KMT2A: variants seen among roughly 807,000 people sequenced by gnomAD.
KMT2A encodes lysine methyltransferase 2A.
Under a neutral mutation model 345.3 loss-of-function variants are expected in KMT2A, and 16 were observed. The observed-to-expected ratio is 0.05, with a 90% CI of 0.03 to 0.07. The LOEUF is 0.07. Ranked by LOEUF, KMT2A falls within the 10% of genes least tolerant of loss-of-function variation. The probability of loss-of-function intolerance (pLI) is 1.00; values close to 1 mark genes in which losing one functional copy is unlikely to be tolerated. For missense variants in KMT2A, 3,272 were observed against 4,841.6 expected, an observed-to-expected ratio of 0.68 and a Z score of 9.62; for synonymous variants, 1,599 against 1,778.6, an observed-to-expected ratio of 0.90 and a Z score of 2.54.
chr11:118,466,789 ACT>A (rs1177722251), intron 1 of KMT2A, among the ~76,000 whole-genome samples: 7 of 152,064 alleles, frequency 4.6e-5, no homozygotes, highest in African/African-American at 1.7e-4. Flanking sequence ...ACAGAGCAAG[ACT>A]CTGCCTCAAA....
rs2134392148 is a variant in KMT2A at position 118,503,354 on chromosome 11, G to A, written c.7462G>A (p.Asp2488Asn). 6.2e-7 allele frequency: 1 copy of A among 1,614,070 alleles called. No individual in the cohort carries two copies. Among genetic ancestry groups the A allele is most frequent in the East Asian group, 2.2e-5 (1 of 44,886 alleles). The change falls in exon 27 of 36, where the codon GAT becomes AAT. Residue 2488 changes from aspartate (D) to asparagine (N), a missense_variant. Transcript: ENST00000534358. This position sits in a 1 kb window ranked among gnomAD's most constrained non-coding sequence, Gnocchi z 5.3. ...GQRPCNNVSSDKIGDKGLSMP... is the reference protein window; with the variant it reads ...GQRPCNNVSSNKIGDKGLSMP... The stretch of plus-strand genomic sequence containing the variant: ...ACGACCATGTAACAATGTTTCTTCT[G>A]ATAAGATTGGTGATAAAGGCCTTTC...
chr11:118,484,034 T>TA lies in KMT2A; in HGVS notation c.4087-149_4087-148insA. On this transcript the variant is annotated intron_variant, in intron 8 of 35. Transcript: ENST00000534358. The surrounding 1 kb of genome is among the most constrained non-coding windows in gnomAD (Gnocchi z 4.1). ...GCAACAAAGCAAGACCCAGTCTCTT[T>TA]TAAAAAAAAATTCAAAGATTATTTG... 1.1e-4 allele frequency: 94 copies of TA among 825,322 alleles called. No individual in the cohort carries two copies. The highest frequency in any genetic ancestry group is 3.1e-4 in the Middle Eastern group (1 of 3,278). 51.1% of individuals were successfully genotyped at this position (825,322 alleles called of 1,614,324 possible). A position where few individuals can be genotyped will look rare whatever the true frequency, so the allele number is the denominator to read the frequency against.
intron 3 of KMT2A, among the ~76,000 whole-genome samples, chr11:118,474,979 A>AAAG (rs1565281520): frequency 6.6e-6 from 1 of 152,024 alleles, no homozygotes; most frequent in Non-Finnish European, 1.5e-5. Flanking sequence ...AAAAAAAAAA[A>AAAG]AAAATTAGCT....
At chr11:118,441,906 GAGCTGTC>G (rs1555140171) in intron 1 of KMT2A, among the ~76,000 whole-genome samples, 1 of 152,166 alleles carries the variant, frequency 6.6e-6, no homozygotes, top group Non-Finnish European at 1.5e-5. Flanking sequence ...GCTCACCTTA[GAGCTGTC>G]CTTCCGTGGG....
chr11:118,439,158 C>CAGAAAAAAAAA, intron 1 of KMT2A: 1 of 265,450 alleles, frequency 3.8e-6, no homozygotes, highest in Non-Finnish European at 7.5e-6. Flanking sequence ...GATACAGCAG[C>CAGAAAAAAAAA]AAAAAAAAAA....
In KMT2A at chr11:118,504,405, A is replaced by G; in HGVS notation, c.8513A>G (p.Asn2838Ser). The change falls in exon 27 of 36, where the codon AAT (asparagine) becomes AGT (serine). Residue 2838 changes from asparagine to serine, a missense_variant. By Grantham distance (46) the Asn-to-Ser change is conservative. This residue lies in a region of KMT2A where 9 missense variants were observed against 20.3 expected (regional missense o/e 0.44). Transcript: ENST00000534358. This position sits in a 1 kb window ranked among gnomAD's most constrained non-coding sequence, Gnocchi z 6.4. ...GAGCTCCTGAAATCAGATTCAGACA[A>G]TAACAACAGTGATGACTGTGGGAAT... ...NTELLKSDSD[N>S]NNSDDCGNIL... 1 of 1,614,150 alleles carries G rather than the reference A, an allele frequency of 6.2e-7. No homozygotes were observed. Among genetic ancestry groups the G allele is most frequent in the South Asian group, 1.1e-5 (1 of 91,084 alleles).
chr11:118,478,256 T>C, intron 5 of KMT2A, 55 bp downstream of exon 5: 1 of 1,353,400 alleles, frequency 7.4e-7, no homozygotes, highest in Non-Finnish European at 1.0e-6. Flanking sequence ...AGGTTGCTTA[T>C]TTATCCCTAG....
chr11:118,483,402 G>A (rs957157027), intron 8 of KMT2A, among the ~76,000 whole-genome samples: 7 of 151,886 alleles, frequency 4.6e-5, no homozygotes, highest in Non-Finnish European at 1.0e-4. Context: ...GCGAGGTGGC[G>A]GGCGCCTGTA....
chr11:118,502,303 AATAT>A lies in KMT2A; in HGVS notation c.6506-83_6506-80del. 6.6e-6 allele frequency: 4 copies of A among 605,848 alleles called. No homozygotes were observed. The highest frequency in any genetic ancestry group is 4.8e-4 in the Middle Eastern group (1 of 2,062). The allele number at this position is 605,848 out of a possible 1,614,324, so 37.5% of individuals were successfully genotyped here. ...AAATGTAGATTTCCAGTTACCTATA[AATAT>A]ATATATATATAGTCAAATCATTGAA... On this transcript the variant is annotated intron_variant, in intron 26 of 35. Transcript: ENST00000534358. This position sits in a 1 kb window ranked among gnomAD's most constrained non-coding sequence, Gnocchi z 4.9.
chr11:118,446,289 C>T (rs1467108020), intron 1 of KMT2A, among the ~76,000 whole-genome samples: 3 of 152,072 alleles, frequency 2.0e-5, no homozygotes, highest in African/African-American at 7.2e-5. Context: ...GCAGAGGTTG[C>T]AGTGAGCTGA....
intron 2 of KMT2A, among the ~76,000 whole-genome samples, chr11:118,470,541 A>G (rs1949926088): frequency 6.6e-6 from 1 of 152,180 alleles, no homozygotes; most frequent in Admixed American, 6.5e-5. Flanking sequence ...CTTTGTTGTA[A>G]TTAGGATATG....
chr11:118,442,778 T>C (rs561202068), intron 1 of KMT2A, among the ~76,000 whole-genome samples: 1 of 152,320 alleles, frequency 6.6e-6, no homozygotes, highest in East Asian at 1.9e-4. Context: ...CAGAATAAGA[T>C]AAAATAGCTT....
chr11:118,447,266 G>A (rs1291449587), intron 1 of KMT2A, among the ~76,000 whole-genome samples: 4 of 152,082 alleles, frequency 2.6e-5, no homozygotes, highest in Non-Finnish European at 4.4e-5. Flanking sequence ...CTTAAGACAC[G>A]GGCCATTTCT....
chr11:118,457,125 C>G (rs782727037), intron 1 of KMT2A, among the ~76,000 whole-genome samples: 1 of 152,042 alleles, frequency 6.6e-6, no homozygotes, highest in Non-Finnish European at 1.5e-5. Flanking sequence ...AGCAAAAATC[C>G]AAATCTAATC....
Position 118,505,574 on chromosome 11 carries a change from C to T in KMT2A, c.9682C>T (p.Arg3228Cys), listed in dbSNP as rs778675942. ...SSGLKKRPISRLQTRKNKKLA... is the reference protein window; with the variant it reads ...SSGLKKRPISCLQTRKNKKLA... ...TGGACTCAAGAAAAGACCCATATCT[C>T]GTCTACAGACCCGAAAGAATAAAAA... is the stretch of plus-strand genomic sequence containing the variant. The change falls in exon 27 of 36, where the codon CGT becomes TGT. Residue 3228 changes from arginine (R) to cysteine (C), a missense_variant. By Grantham distance (180) the Arg-to-Cys change is radical (BLOSUM62 -3). Around this residue, in one of 27 missense-constraint regions of KMT2A, gnomAD observed 748 missense variants for 922.2 expected, o/e 0.81. Coordinates refer to ENST00000534358, the MANE Select transcript of KMT2A (RefSeq NM_001197104.2). This position sits in a 1 kb window ranked among gnomAD's most constrained non-coding sequence, Gnocchi z 4.6. 4.3e-6 allele frequency: 7 copies of T among 1,614,074 alleles called. No homozygotes were observed. The highest frequency in any genetic ancestry group is 5.9e-6 in the Non-Finnish European group (7 of 1,179,966).
At position 118,457,139 on chromosome 11, in the gene KMT2A, C is replaced by T. The variant is rs1317533709; in HGVS notation, c.433-11636C>T. Among the ~76,000 whole-genome samples, 3 of 151,928 alleles carry T rather than the reference C, an allele frequency of 2.0e-5. No homozygotes were observed. In the East Asian group the frequency reaches 5.8e-4, roughly 29 times the overall value. ...CAGCAAAAATCCAAATCTAATCATA[C>T]TTCTCTCCTACCAGAGTCACTAATC... On this transcript the variant is annotated intron_variant, in intron 1 of 35. Coordinates refer to ENST00000534358, the MANE Select transcript of KMT2A (RefSeq NM_001197104.2).
chr11:118,481,655 C>T, intron 6 of KMT2A, 60 bp from the exon 7 acceptor site: 1 of 1,514,648 alleles, frequency 6.6e-7, no homozygotes, highest in Non-Finnish European at 8.8e-7. Context: ...CTCTGTAATT[C>T]TATTTTAAAT....
Position 118,484,224 on chromosome 11 carries a change from T to C in KMT2A, c.4128T>C (p.Thr1376=). The part of the protein sequence containing the change: ...PPVNKQENAG[T]LNILSTLSNG... ...TCAATAAGCAGGAGAATGCAGGCAC[T>C]TTGAACATCCTCAGCACTCTCTCCA... The change falls in exon 9 of 36, where the codon ACT becomes ACC. Residue 1376 remains threonine, a synonymous_variant. Transcript: ENST00000534358. The surrounding 1 kb of genome is among the most constrained non-coding windows in gnomAD (Gnocchi z 4.1). 1 of 1,614,146 alleles carries C rather than the reference T, an allele frequency of 6.2e-7. No individual in the cohort carries two copies. Among genetic ancestry groups the C allele is most frequent in the East Asian group, 2.2e-5 (1 of 44,892 alleles).
intron 1 of KMT2A, among the ~76,000 whole-genome samples, chr11:118,446,763 G>A (rs1029508956): frequency 6.6e-6 from 1 of 152,152 alleles, no homozygotes; most frequent in Non-Finnish European, 1.5e-5. Context: ...CAATATGATA[G>A]TTTTCTTAAA....
Sources: gnomAD v4.1 joint callset for allele counts (sites outside exome capture counted in the v4.1 genomes callset) on GRCh38, gnomAD v4.1.1 for gene constraint, gnomAD v4.1.1 regional missense constraint, Gnocchi (gnomAD v3.1) non-coding constraint, MANE v1.5 for transcripts, NCBI Gene and HGNC (gene_info 2026-07-23, HGNC 2026-07-21) for gene names.